JMJD1C: variants seen among roughly 807,000 people sequenced by gnomAD.
JMJD1C encodes jumonji domain containing 1C, also known as jumonji domain-containing protein 1C.
A neutral mutation model predicts 245.3 loss-of-function variants in JMJD1C; 31 were observed. The observed-to-expected ratio is 0.13, with a 90% CI of 0.09 to 0.17. The LOEUF is 0.17. Among genes scored for constraint, JMJD1C ranks in the 10% least tolerant of loss-of-function variants. The probability of loss-of-function intolerance (pLI) is 1.00; values close to 1 mark genes in which losing one functional copy is unlikely to be tolerated. For synonymous variants in JMJD1C, 1,057 were observed against 1,017.4 expected (o/e 1.04, Z -0.74); for missense variants, 2,691 against 3,000.2 (o/e 0.90, Z 2.41).
chr10:63,295,126 C>T (rs1859214167), intron 2 of JMJD1C, among the ~76,000 whole-genome samples: 5 of 152,044 alleles, frequency 3.3e-5, no homozygotes. Flanking sequence ...CTCTCCGTGT[C>T]GTTGGGGCTG....
At chr10:63,449,162 T>C (rs1951884774) in intron 1 of JMJD1C, among the ~76,000 whole-genome samples, 1 of 152,154 alleles carries the variant, frequency 6.6e-6, no homozygotes, top group Admixed American at 6.5e-5. Flanking sequence ...AGGATTCTAA[T>C]ATATACTTGC....
At chr10:63,208,836 C>G (rs1554837869) in intron 9 of JMJD1C, 35 bp from the exon 10 acceptor site, 3 of 1,494,450 alleles carry the variant, frequency 2.0e-6, no homozygotes, top group Admixed American at 4.5e-5. Context: ...TCTGTAACCA[C>G]TTTTTCCTGC....
intron 16 of JMJD1C, among the ~76,000 whole-genome samples, chr10:63,192,513 A>T (rs1373921812): frequency 1.3e-5 from 2 of 152,188 alleles, no homozygotes; most frequent in African/African-American, 4.8e-5. Context: ...GATTGCAGTG[A>T]GCCAAGATCG....
chr10:63,306,336 C>T (rs528126698), intron 2 of JMJD1C, among the ~76,000 whole-genome samples: 1 of 152,158 alleles, frequency 6.6e-6, no homozygotes. Context: ...ATGATCTGCC[C>T]GTCTTGGCCT....
chr10:63,203,806 T>A, intron 10 of JMJD1C: 2 of 959,218 alleles, frequency 2.1e-6, no homozygotes, highest in Non-Finnish European at 2.5e-6. Context: ...TAATTATACA[T>A]GTATAACGGT....
At chr10:63,250,415 CA>C (rs1299155160) in intron 3 of JMJD1C, among the ~76,000 whole-genome samples, 1 of 152,064 alleles carries the variant, frequency 6.6e-6, no homozygotes, top group Non-Finnish European at 1.5e-5. Context: ...CTAATAAAAA[CA>C]AATCAGCAGT....
chr10:63,327,730 G>A lies in JMJD1C; in HGVS notation c.333+52588C>T, dbSNP rs190512463. On this transcript the variant is annotated intron_variant, in intron 2 of 25. Coordinates refer to ENST00000399262, the MANE Select transcript of JMJD1C (RefSeq NM_032776.3). ...GTTCCCCAGGCTGGAGGGCAATGGCGCAATCTTGGCTCACTGCAACCTCCA... is the reference window on the plus strand; with the variant it reads ...GTTCCCCAGGCTGGAGGGCAATGGCACAATCTTGGCTCACTGCAACCTCCA... Among the ~76,000 whole-genome samples the A allele has an allele frequency of 9.1e-3, 1,384 of 151,856 alleles. 23 individuals are homozygous for A. Among genetic ancestry groups the A allele is most frequent in the African/African-American group, 0.032 (1,306 of 41,432 alleles).
chr10:63,497,127 G>C (rs145946885), intron 1 of JMJD1C, among the ~76,000 whole-genome samples: 1 of 151,816 alleles, frequency 6.6e-6, no homozygotes, highest in Non-Finnish European at 1.5e-5. Flanking sequence ...TCCAAAAGTA[G>C]CACCCAACTT....
chr10:63,450,922 A>AG (rs1491130370), intron 1 of JMJD1C, among the ~76,000 whole-genome samples: 4 of 14,228 alleles, frequency 2.8e-4, no homozygotes, highest in African/African-American at 2.9e-4. Flanking sequence ...ACACACACAG[A>AG]AAAAAAAAAA....
chr10:63,275,504 T>C (rs1335981629), intron 2 of JMJD1C, among the ~76,000 whole-genome samples: 1 of 152,084 alleles, frequency 6.6e-6, no homozygotes, highest in African/African-American at 2.4e-5. Flanking sequence ...CATAAAGGGT[T>C]TTTAAAGCTA....
At chr10:63,421,141 C>T (rs1950104067) in intron 1 of JMJD1C, among the ~76,000 whole-genome samples, 1 of 152,096 alleles carries the variant, frequency 6.6e-6, no homozygotes, top group Non-Finnish European at 1.5e-5. Flanking sequence ...TCGAGACCAG[C>T]CTGACTAACA....
At chr10:63,291,311 A>AG (rs936852213) in intron 2 of JMJD1C, among the ~76,000 whole-genome samples, 1 of 5,346 alleles carries the variant, frequency 1.9e-4, no homozygotes, top group Non-Finnish European at 4.7e-4. Context: ...TCTGTCTCAG[A>AG]AAAAAAAAAA....
At chr10:63,180,004 TTC>T (rs902335110) in intron 22 of JMJD1C, among the ~76,000 whole-genome samples, 1 of 152,178 alleles carries the variant, frequency 6.6e-6, no homozygotes, top group Admixed American at 6.5e-5. Context: ...TTTTCTTTTT[TTC>T]TTTTATTTTT....
intron 1 of JMJD1C, among the ~76,000 whole-genome samples, chr10:63,502,252 G>A (rs1379857350): frequency 1.3e-5 from 2 of 152,158 alleles, no homozygotes; most frequent in African/African-American, 4.8e-5. Flanking sequence ...ACCAGCAGCT[G>A]CACATCAGTA....
At chr10:63,432,151 T>A (rs1950797598) in intron 1 of JMJD1C, among the ~76,000 whole-genome samples, 1 of 152,212 alleles carries the variant, frequency 6.6e-6, no homozygotes, top group Admixed American at 6.5e-5. Flanking sequence ...TGGCAAACTC[T>A]CCTCACTACC....
At chr10:63,326,116 GACAAAT>G (rs780420353) in intron 2 of JMJD1C, among the ~76,000 whole-genome samples, 9 of 152,146 alleles carry the variant, frequency 5.9e-5, no homozygotes, top group Non-Finnish European at 1.3e-4. Flanking sequence ...ATGAATAGGT[GACAAAT>G]AAGAAATGAC....
chr10:63,519,568 G>C lies in JMJD1C; in HGVS notation n.113+2170C>G, dbSNP rs560171898. On this transcript the variant is annotated intron_variant and non_coding_transcript_variant, in intron 1 of 3. Coordinates refer to the JMJD1C transcript ENST00000633035. Reference sequence around the variant, plus strand: ...CAGTACATTAGACATGGTAGAGGCAGAATGACACAGATAAGAAATAGAAAT... The same window carrying C: ...CAGTACATTAGACATGGTAGAGGCACAATGACACAGATAAGAAATAGAAAT... Among the ~76,000 whole-genome samples, 8 of 152,282 alleles carry C rather than the reference G, an allele frequency of 5.3e-5. 1 individual carries two copies. In the South Asian group the frequency reaches 6.2e-4, roughly 12 times the overall value.
chr10:63,408,638 C>T (rs1701704158), intron 1 of JMJD1C, among the ~76,000 whole-genome samples: 1 of 151,592 alleles, frequency 6.6e-6, no homozygotes, highest in South Asian at 2.1e-4. Flanking sequence ...CCAGTCAGGT[C>T]TGAGTCAAGT....
intron 3 of JMJD1C, among the ~76,000 whole-genome samples, chr10:63,253,432 G>A (rs1360698640): frequency 1.3e-5 from 2 of 150,208 alleles, no homozygotes; most frequent in Admixed American, 1.3e-4. Flanking sequence ...CGCCCAGGCT[G>A]TAGTGCACAG....
Sources: gnomAD v4.1 joint callset for allele counts (sites outside exome capture counted in the v4.1 genomes callset) on GRCh38, gnomAD v4.1.1 for gene constraint, MANE v1.5 for transcripts, NCBI Gene and HGNC (gene_info 2026-07-23, HGNC 2026-07-21) for gene names.